The following CHD3 variants were observed in gnomAD, a reference collection of about 807,000 sequenced individuals.
The protein encoded by CHD3 is chromodomain helicase DNA binding protein 3.
CHD3 carries 52 observed loss-of-function variants against 248.9 expected under a neutral mutation model. The ratio of observed to expected loss-of-function variants is 0.21; its 90% CI spans 0.17 to 0.26. CHD3 has a LOEUF of 0.26. Among genes scored for constraint, CHD3 ranks in the 10% least tolerant of loss-of-function variants. The pLI is 1.00. For synonymous variants in CHD3, 985 were observed against 985.2 expected (o/e 1.00, Z 0.00); for missense variants, 1,482 against 2,605.8 (o/e 0.57, Z 9.39).
chr17:7,888,316 G>A (rs1968309858), upstream of CHD3, among the ~76,000 whole-genome samples: 1 of 152,228 alleles, frequency 6.6e-6, no homozygotes, highest in East Asian at 1.9e-4. Context: ...TGGAAACGGA[G>A]GCCTCTGGTG....
At chr17:7,898,966 GC>G (rs1789258150) in intron 13 of CHD3, 44 bp from the exon 14 acceptor site, 13 of 1,546,390 alleles carry the variant, frequency 8.4e-6, no homozygotes, top group Non-Finnish European at 1.2e-5. Context: ...GACTGGAGGA[GC>G]CGCCGACTAT....
chr17:7,898,014 G>T lies in CHD3; in HGVS notation c.1963G>T (p.Asp655Tyr), dbSNP rs753427196. ...GNYHYLVKWRDLPYDQSTWEE... is the reference protein window; with the variant it reads ...GNYHYLVKWRYLPYDQSTWEE... ...TTACCACTATCTAGTAAAATGGAGG[G>T]ACTTACCATATGACCAGTCCACGTG... The change falls in exon 12 of 40, where the codon GAC becomes TAC. Residue 655 changes from aspartate to tyrosine, a missense_variant. Asp to Tyr is a radical substitution (Grantham distance 160, BLOSUM62 -3). Coordinates refer to ENST00000330494, the MANE Select transcript of CHD3 (RefSeq NM_001005273.3). 6.2e-7 allele frequency: 1 copy of T among 1,614,120 alleles called. No individual in the cohort carries two copies. Among genetic ancestry groups the T allele is most frequent in the Non-Finnish European group, 8.5e-7 (1 of 1,179,996 alleles).
At position 7,904,321 on chromosome 17, in the gene CHD3, A is replaced by G; in HGVS notation, c.3895-121A>G. On this transcript the variant is annotated intron_variant, in intron 24 of 39. Coordinates refer to ENST00000330494, the MANE Select transcript of CHD3 (RefSeq NM_001005273.3). This position sits in a 1 kb window ranked among gnomAD's most constrained non-coding sequence, Gnocchi z 4.4. The stretch of plus-strand genomic sequence containing the variant: ...ATGTCCAGAAAATGTATGCAGAGCC[A>G]CGAAGCTGCAGGAGTGGGGAGACCG... The G allele has an allele frequency of 1.1e-6, 1 of 872,342 alleles. No homozygotes were observed. Among genetic ancestry groups the G allele is most frequent in the South Asian group, 1.7e-5 (1 of 60,570 alleles). The allele number at this position is 872,342 out of a possible 1,614,324, so 54.0% of individuals were successfully genotyped here. A position where few individuals can be genotyped will look rare whatever the true frequency, so the allele number is the denominator to read the frequency against.
rs1555615686 is a variant in CHD3, at chr17:7,908,569, AAG to A, written c.5261+61_5261+62del. The A allele has an allele frequency of 6.3e-7, 1 of 1,586,328 alleles. No homozygotes were observed. Among genetic ancestry groups the A allele is most frequent in the Non-Finnish European group, 8.6e-7 (1 of 1,158,284 alleles). Reference sequence around the variant, plus strand: ...TTCTCTCAAGCTGGCAAAAAAAAAAAAGATGATTTCACACCCAGGGACAGGGC... The same window carrying A: ...TTCTCTCAAGCTGGCAAAAAAAAAAAATGATTTCACACCCAGGGACAGGGC... On this transcript the variant is annotated intron_variant, in intron 35 of 39. Transcript: ENST00000330494. This position sits in a 1 kb window ranked among gnomAD's most constrained non-coding sequence, Gnocchi z 5.8.
chr17:7,892,550 G>A (rs924065653), intron 4 of CHD3, among the ~76,000 whole-genome samples: 3 of 131,156 alleles, frequency 2.3e-5, no homozygotes, highest in Non-Finnish European at 4.6e-5. Context: ...AGGCTGGAGT[G>A]TAGTGGCGCA....
At position 7,904,004 on chromosome 17, in the gene CHD3, G is replaced by C. The variant is rs957481250; in HGVS notation, c.3894+13G>C. ...GGAAGAAGACAAGGTGAGAGGCTTT[G>C]GGGGCCAGACATTATCTATCCCAGG... On this transcript the variant is annotated intron_variant, in intron 24 of 39. Coordinates refer to ENST00000330494, the MANE Select transcript of CHD3 (RefSeq NM_001005273.3). This position sits in a 1 kb window ranked among gnomAD's most constrained non-coding sequence, Gnocchi z 4.4. 6.2e-7 allele frequency: 1 copy of C among 1,612,502 alleles called. No homozygotes were observed. The highest frequency in any genetic ancestry group is 1.3e-5 in the African/African-American group (1 of 74,894).
intron 7 of CHD3, 34 bp downstream of exon 7, chr17:7,894,299 T>C (rs1969337982): frequency 6.2e-7 from 1 of 1,602,454 alleles, no homozygotes; most frequent in Non-Finnish European, 8.5e-7. Context: ...ATCCTGTCAG[T>C]GGGCCGTCCT....
Position 7,894,548 on chromosome 17 carries a change from C to T in CHD3, c.1209C>T (p.Leu403=). 4.3e-6 allele frequency: 7 copies of T among 1,614,082 alleles called. No homozygotes were observed. Among genetic ancestry groups the T allele is most frequent in the Non-Finnish European group, 5.9e-6 (7 of 1,180,022 alleles). Residue 403 remains leucine, a synonymous_variant, in exon 8 of 40, where the codon CTC becomes CTT. Transcript: ENST00000330494. ...LCDTCPRAYH[L]VCLDPELDRA... is the part of the protein sequence containing the mutation. ...ACACCTGCCCTCGTGCCTACCACCT[C>T]GTCTGCCTTGATCCTGAGCTTGACC...
chr17:7,895,397 C>A lies in CHD3; in HGVS notation c.1562C>A (p.Pro521His). 1 of 1,614,178 alleles carries A rather than the reference C, an allele frequency of 6.2e-7. No homozygotes were observed. Among genetic ancestry groups the A allele is most frequent in the Non-Finnish European group, 8.5e-7 (1 of 1,180,032 alleles). ...CTACATTGGCGGTGGGGGGAGCCAC[C>A]TGTAGCAGTGCCAGCCCCTCAACAG... The part of the protein sequence containing the change: ...KILHWRWGEP[P>H]VAVPAPQQAD... The change falls in exon 10 of 40, where the codon CCT becomes CAT. Residue 521 changes from proline (P) to histidine (H), a missense_variant. Coordinates refer to ENST00000330494, the MANE Select transcript of CHD3 (RefSeq NM_001005273.3). The surrounding 1 kb of genome is among the most constrained non-coding windows in gnomAD (Gnocchi z 4.9).
chr17:7,907,090 G>A lies in CHD3; in HGVS notation c.4667-36G>A. ...AAGGGAGCCAGGAGTCAGGGCGGGA[G>A]AATCTCTGTCTTTATCACTGTGCCT... On this transcript the variant is annotated intron_variant, in intron 30 of 39. Transcript: ENST00000330494. The surrounding 1 kb of genome is among the most constrained non-coding windows in gnomAD (Gnocchi z 4.3). 6.2e-7 allele frequency: 1 copy of A among 1,614,064 alleles called. No individual in the cohort carries two copies.
At position 7,893,446 on chromosome 17, in the gene CHD3, G is replaced by A; in HGVS notation, c.670G>A (p.Val224Met). Reference sequence around the variant, plus strand: ...AGCAGCAGCAGCTGTAGCTGAGCAGGTGTCAGCTGCTGTCTCGTCGGCCAC... The same window carrying A: ...AGCAGCAGCAGCTGTAGCTGAGCAGATGTCAGCTGCTGTCTCGTCGGCCAC... ...AAAAAAVAEQVSAAVSSATPI... is the reference protein window; with the variant it reads ...AAAAAAVAEQMSAAVSSATPI... The change falls in exon 5 of 40, where the codon GTG becomes ATG. Residue 224 changes from valine to methionine, a missense_variant. Physicochemically the swap from Val to Met is conservative, Grantham distance 21. Coordinates refer to ENST00000330494, the MANE Select transcript of CHD3 (RefSeq NM_001005273.3). 3.1e-6 allele frequency: 5 copies of A among 1,611,698 alleles called. No homozygotes were observed. The highest frequency in any genetic ancestry group is 4.2e-6 in the Non-Finnish European group (5 of 1,178,552).
Position 7,899,694 on chromosome 17 carries a change from C to T in CHD3, c.2544+151C>T. On this transcript the variant is annotated intron_variant, in intron 15 of 39. Coordinates refer to ENST00000330494, the MANE Select transcript of CHD3 (RefSeq NM_001005273.3). This position sits in a 1 kb window ranked among gnomAD's most constrained non-coding sequence, Gnocchi z 6.8. ...CTGCACTACCATCCTAGAGATATGG[C>T]AGGTACTCCCAGGGGCATACATGGA... is the stretch of plus-strand genomic sequence containing the variant. The T allele has an allele frequency of 1.0e-6, 1 of 986,150 alleles. No homozygotes were observed. The allele number at this position is 986,150 out of a possible 1,614,324, so 61.1% of individuals were successfully genotyped here. A position where few individuals can be genotyped will look rare whatever the true frequency, so the allele number is the denominator to read the frequency against.
rs1970857147 is a variant in CHD3 at position 7,905,820 on chromosome 17, C to T, written c.4225-36C>T. ...AAGGACAAGACCTAAGAACCCTAGA[C>T]ATTTGTCGCCATTGCCTCCTTGCTC... On this transcript the variant is annotated intron_variant, in intron 27 of 39. Transcript: ENST00000330494. The surrounding 1 kb of genome is among the most constrained non-coding windows in gnomAD (Gnocchi z 5.8). 4 of 1,614,028 alleles carry T rather than the reference C, an allele frequency of 2.5e-6. No homozygotes were observed. The highest frequency in any genetic ancestry group is 2.2e-5 in the East Asian group (1 of 44,886).
At position 7,897,174 on chromosome 17, in the gene CHD3, A is replaced by G; in HGVS notation, c.1799A>G (p.Asp600Gly). Residue 600 changes from aspartate (D) to glycine (G), a missense_variant, in exon 11 of 40, where the codon GAT becomes GGT. Asp to Gly is a moderately conservative substitution (Grantham distance 94, BLOSUM62 -1). Around this residue, in one of 20 missense-constraint regions of CHD3, gnomAD observed 127 missense variants for 188.3 expected, o/e 0.67. Coordinates refer to ENST00000330494, the MANE Select transcript of CHD3 (RefSeq NM_001005273.3). This position sits in a 1 kb window ranked among gnomAD's most constrained non-coding sequence, Gnocchi z 4.8. ...PPPLDYGSGE[D>G]DGKSDKRKVK... ...CCCCTGGACTATGGCTCCGGCGAGG[A>G]TGATGGGAAGAGCGACAAGCGTAAA... The G allele has an allele frequency of 6.2e-7, 1 of 1,614,144 alleles. No individual in the cohort carries two copies. Among genetic ancestry groups the G allele is most frequent in the Non-Finnish European group, 8.5e-7 (1 of 1,180,022 alleles).
In CHD3 at chr17:7,893,408, C is replaced by T. The variant is rs765531902; in HGVS notation, c.632C>T (p.Ala211Val). Residue 211 changes from alanine to valine, a missense_variant, in exon 5 of 40, where the codon GCG (alanine) becomes GTG (valine). Ala to Val is a moderately conservative substitution (Grantham distance 64). Transcript: ENST00000330494. ...PFKGSAAAVAAAAAAAAAAVA... is the reference protein window; with the variant it reads ...PFKGSAAAVAVAAAAAAAAVA... ...AAGGGGTCAGCAGCTGCTGTGGCGG[C>T]GGCAGCGGCAGCAGCAGCAGCAGCT... 4.8e-5 allele frequency: 78 copies of T among 1,611,332 alleles called. No individual in the cohort carries two copies. The highest frequency in any genetic ancestry group is 6.0e-5 in the Non-Finnish European group (71 of 1,179,040).
rs372740033 is a variant in CHD3, at chr17:7,906,819, T to C, written c.4504-50T>C. On this transcript the variant is annotated intron_variant, in intron 29 of 39. Coordinates refer to ENST00000330494, the MANE Select transcript of CHD3 (RefSeq NM_001005273.3). This position sits in a 1 kb window ranked among gnomAD's most constrained non-coding sequence, Gnocchi z 5.0. ...AGACGGAGGAGACTGGAGCTTCCTGTCTGTAAGCGCCTGGAGCTGACACCT... is the reference window on the plus strand; with the variant it reads ...AGACGGAGGAGACTGGAGCTTCCTGCCTGTAAGCGCCTGGAGCTGACACCT... 10 of 1,607,370 alleles carry C rather than the reference T, an allele frequency of 6.2e-6. No individual in the cohort carries two copies. Among genetic ancestry groups the C allele is most frequent in the Non-Finnish European group, 8.5e-6 (10 of 1,175,910 alleles).
In CHD3 at chr17:7,908,029, A is replaced by G. The variant is rs775232395; in HGVS notation, c.5152+10A>G. 1.3e-6 allele frequency: 2 copies of G among 1,586,412 alleles called. No homozygotes were observed. The highest frequency in any genetic ancestry group is 2.2e-5 in the South Asian group (2 of 88,970). On this transcript the variant is annotated intron_variant, in intron 34 of 39. Transcript: ENST00000330494. The surrounding 1 kb of genome is among the most constrained non-coding windows in gnomAD (Gnocchi z 5.8). ...GATGGTGGCTTCACAGGTTGGGGAG[A>G]CTCTCGCTGCTTTCTGCTCCTCAAG...
Position 7,895,645 on chromosome 17 carries a change from T to C in CHD3, c.1707+103T>C, listed in dbSNP as rs1041600742. 9 of 1,092,218 alleles carry C rather than the reference T, an allele frequency of 8.2e-6. No individual in the cohort carries two copies. In the African/African-American group the frequency reaches 1.3e-4, roughly 15 times the overall value. 67.7% of individuals were successfully genotyped at this position (1,092,218 alleles called of 1,614,324 possible). A position where few individuals can be genotyped will look rare whatever the true frequency, so the allele number is the denominator to read the frequency against. ...TTGGGTTCCCATACTCTTTGTTTTC[T>C]CTCATTTCAGGCCTGTGGCCTTCAT... On this transcript the variant is annotated intron_variant, in intron 10 of 39. Transcript: ENST00000330494. The surrounding 1 kb of genome is among the most constrained non-coding windows in gnomAD (Gnocchi z 4.9).
chr17:7,888,521 G>A (rs912144952), upstream of CHD3, among the ~76,000 whole-genome samples: 1 of 152,106 alleles, frequency 6.6e-6, no homozygotes, highest in Non-Finnish European at 1.5e-5. Context: ...CCCCAGGTCT[G>A]TGGGGCATCC....
Sources: allele counts gnomAD v4.1 joint callset (sites outside exome capture counted in the v4.1 genomes callset), GRCh38; gene constraint gnomAD v4.1.1; regional missense constraint gnomAD v4.1.1; non-coding constraint Gnocchi (gnomAD v3.1); transcripts MANE v1.5; gene names NCBI Gene and HGNC (gene_info 2026-07-23, HGNC 2026-07-21).